SORCS3: variants seen among roughly 807,000 people sequenced by gnomAD.
SORCS3 encodes sortilin related VPS10 domain containing receptor 3, also known as VPS10 domain-containing receptor SorCS3.
In SORCS3, 57 loss-of-function variants were observed where a neutral mutation model predicts 146.3. The ratio of observed to expected loss-of-function variants is 0.39; its 90% confidence interval spans 0.31 to 0.49. The LOEUF (loss-of-function observed/expected upper bound fraction) is 0.49, where lower values mean the gene tolerates loss of function less well. SORCS3 is among the 20% of genes least tolerant of loss of function. The pLI, the probability that SORCS3 is intolerant of heterozygous loss-of-function variation, is 0.92. For missense variants in SORCS3, 1,341 were observed against 1,575.5 expected (o/e 0.85, Z 2.52); for synonymous variants, 653 against 618.5 (o/e 1.06, Z -0.83).
At chr10:104,802,967 G>C (rs1030409367) in intron 1 of SORCS3, among the ~76,000 whole-genome samples, 2 of 141,902 alleles carry the variant, frequency 1.4e-5, no homozygotes, top group Non-Finnish European at 3.1e-5. Context: ...GTGGTCCAGA[G>C]AGGGGAGGTA....
chr10:105,205,639 C>T (rs528845019), intron 16 of SORCS3, among the ~76,000 whole-genome samples: 22 of 152,274 alleles, frequency 1.4e-4, no homozygotes, highest in Admixed American at 1.2e-3. Flanking sequence ...GACCTGAATT[C>T]ACTTGTTCAG....
intron 23 of SORCS3, among the ~76,000 whole-genome samples, chr10:105,253,116 T>A (rs1171198122): frequency 6.6e-6 from 1 of 152,100 alleles, no homozygotes; most frequent in Non-Finnish European, 1.5e-5. Flanking sequence ...ACCCCTGGCA[T>A]TATTCATTCC....
At chr10:104,824,642 A>G (rs2017915066) in intron 1 of SORCS3, among the ~76,000 whole-genome samples, 1 of 152,214 alleles carries the variant, frequency 6.6e-6, no homozygotes, top group Non-Finnish European at 1.5e-5. Context: ...TGCTGGAGAT[A>G]TAACTGCAAA....
At chr10:105,239,440 A>G (rs1331990882) in intron 20 of SORCS3, among the ~76,000 whole-genome samples, 3 of 152,224 alleles carry the variant, frequency 2.0e-5, no homozygotes, top group African/African-American at 7.2e-5. Flanking sequence ...GGCTGCATCC[A>G]AAGATTTCCC....
chr10:104,818,393 C>CTTCT (rs2017831443), intron 1 of SORCS3, among the ~76,000 whole-genome samples: 1 of 147,814 alleles, frequency 6.8e-6, no homozygotes, highest in African/African-American at 2.6e-5. Context: ...TCCTTCCTTC[C>CTTCT]TTCCTTCCTT....
At chr10:104,778,967 GA>G (rs2017342903) in intron 1 of SORCS3, among the ~76,000 whole-genome samples, 2 of 152,166 alleles carry the variant, frequency 1.3e-5, no homozygotes, top group Non-Finnish European at 2.9e-5. Context: ...CTTGAGGGGG[GA>G]TCATTTTGGA....
Position 104,860,442 on chromosome 10 carries a change from G to A in SORCS3, c.695+17583G>A, listed in dbSNP as rs572921107. ...TGTGAGGTGGGGGGAGGGGGGAGGG[G>A]TAGCATTAGGAGATATACCTAATGC... On this transcript the variant is annotated intron_variant, in intron 2 of 26. Coordinates refer to ENST00000369701, the MANE Select transcript of SORCS3 (RefSeq NM_014978.3). Among the ~76,000 whole-genome samples, 763 of 120,470 alleles carry A rather than the reference G, an allele frequency of 6.3e-3. 5 individuals are homozygous for A. The highest frequency in any genetic ancestry group is 0.023 in the African/African-American group (718 of 31,764). 79.0% of individuals were successfully genotyped at this position (120,470 alleles called of 152,430 possible). A position where few individuals can be genotyped will look rare whatever the true frequency, so the allele number is the denominator to read the frequency against.
intron 4 of SORCS3, among the ~76,000 whole-genome samples, chr10:104,980,929 G>T (rs1481267030): frequency 1.3e-5 from 2 of 152,168 alleles, no homozygotes; most frequent in Non-Finnish European, 2.9e-5. Context: ...CTCTGCTAGT[G>T]ATATGTGGCT....
intron 20 of SORCS3, among the ~76,000 whole-genome samples, chr10:105,230,962 G>A (rs2056762310): frequency 6.6e-6 from 1 of 152,166 alleles, no homozygotes; most frequent in African/African-American, 2.4e-5. Context: ...ATGGTCAAGA[G>A]GCTCTCCAGT....
chr10:105,041,457 ATATAACTATATGTACATATATAAC>A (rs1023107934), intron 4 of SORCS3, among the ~76,000 whole-genome samples: 1 of 148,818 alleles, frequency 6.7e-6, no homozygotes, highest in Non-Finnish European at 1.5e-5. Flanking sequence ...ATATATATAC[ATATAACTATATGTACATATATAAC>A]TATATATACA....
chr10:104,962,421 A>G (rs1484997459), intron 3 of SORCS3, among the ~76,000 whole-genome samples: 1 of 152,156 alleles, frequency 6.6e-6, no homozygotes, highest in African/African-American at 2.4e-5. Context: ...GAGATTCCAT[A>G]TCAGAGCTGG....
At chr10:105,245,847 A>T (rs1476635845) in intron 21 of SORCS3, among the ~76,000 whole-genome samples, 182 bp downstream of exon 21, 2 of 152,220 alleles carry the variant, frequency 1.3e-5, no homozygotes, top group Admixed American at 6.5e-5. Flanking sequence ...GACGTATACC[A>T]CAAACAGGTA....
rs540484734 is a variant in SORCS3, at chr10:104,642,863, C to T, written c.627+909C>T. Among the ~76,000 whole-genome samples, 15 of 152,322 alleles carry T rather than the reference C, an allele frequency of 9.8e-5. No homozygotes were observed. The South Asian group carries it at 3.1e-3, about 32-fold the overall frequency. On this transcript the variant is annotated intron_variant, in intron 1 of 26. Coordinates refer to ENST00000369701, the MANE Select transcript of SORCS3 (RefSeq NM_014978.3). ...TACCGAGAGGTGGCGTCGTTGAGCC[C>T]GGTCTGGCCTACTCCGGCATTCCGA...
intron 7 of SORCS3, among the ~76,000 whole-genome samples, chr10:105,110,513 AG>A (rs1241559675): frequency 1.4e-4 from 21 of 152,052 alleles, no homozygotes; most frequent in Middle Eastern, 3.4e-3. Context: ...TCCCAGAAAA[AG>A]TATTTGAGGA....
In SORCS3 at chr10:105,259,267, C is replaced by A. The variant is rs183818741; in HGVS notation, c.3443+2343C>A. On this transcript the variant is annotated intron_variant, in intron 25 of 26. Transcript: ENST00000369701. ...TAAACAGCAACACCTGGCCATTAAACGCTCTGTTGAGCAGCACAGTTTAGT... is the reference window on the plus strand; with the variant it reads ...TAAACAGCAACACCTGGCCATTAAAAGCTCTGTTGAGCAGCACAGTTTAGT... 1.4e-3 allele frequency among the ~76,000 whole-genome samples: 217 copies of A among 152,326 alleles called. No individual in the cohort carries two copies. In the Middle Eastern group the frequency reaches 0.02, roughly 14 times the overall value.
intron 24 of SORCS3, 92 bp downstream of exon 24, chr10:105,255,893 T>A: frequency 2.0e-6 from 2 of 1,010,272 alleles, no homozygotes; most frequent in Non-Finnish European, 3.0e-6. Flanking sequence ...TGCTGCATAA[T>A]GTCTGAAAGT....
intron 1 of SORCS3, among the ~76,000 whole-genome samples, chr10:104,819,045 T>G (rs894646365): frequency 6.6e-6 from 1 of 152,076 alleles, no homozygotes; most frequent in Non-Finnish European, 1.5e-5. Flanking sequence ...AATAACTAGG[T>G]CATGTTTCTT....
chr10:104,789,795 C>G (rs1367834222), intron 1 of SORCS3, among the ~76,000 whole-genome samples: 1 of 152,146 alleles, frequency 6.6e-6, no homozygotes, highest in Non-Finnish European at 1.5e-5. Flanking sequence ...ACTTCCAAAC[C>G]CTCTGCCACC....
At chr10:105,100,365 T>C (rs1229788315) in intron 6 of SORCS3, among the ~76,000 whole-genome samples, 4 of 152,254 alleles carry the variant, frequency 2.6e-5, no homozygotes, top group East Asian at 1.9e-4. Context: ...CTGTCTGTTC[T>C]TTCTAGTTTT....
Sources: allele counts gnomAD v4.1 joint callset (sites outside exome capture counted in the v4.1 genomes callset), GRCh38; gene constraint gnomAD v4.1.1; transcripts MANE v1.5; gene names NCBI Gene and HGNC (gene_info 2026-07-23, HGNC 2026-07-21).